EFCAB5: variants seen among roughly 807,000 people sequenced by gnomAD.
EFCAB5 encodes EF-hand calcium binding domain 5.
In EFCAB5, 131 loss-of-function variants were observed where a neutral mutation model predicts 167.9. The observed-to-expected ratio is 0.78, with a 90% CI of 0.68 to 0.90. EFCAB5 has a LOEUF of 0.90. Ranked by LOEUF, EFCAB5 falls within the 40% of genes least tolerant of loss-of-function variation. The pLI is 0.00. For synonymous variants in EFCAB5, 574 were observed against 602.8 expected (o/e 0.95, Z 0.70); for missense variants, 1,663 against 1,745.2 (o/e 0.95, Z 0.84).
chr17:30,099,570 G>A (rs1411462857), intron 22 of EFCAB5, among the ~76,000 whole-genome samples: 2 of 152,184 alleles, frequency 1.3e-5, no homozygotes, highest in African/African-American at 4.8e-5. Context: ...ATAATGATAT[G>A]CCTTTTTATG....
chr17:30,095,147 A>G (rs886653504), intron 22 of EFCAB5, among the ~76,000 whole-genome samples: 1 of 152,198 alleles, frequency 6.6e-6, no homozygotes, highest in Admixed American at 6.5e-5. Flanking sequence ...TCTTAGACCC[A>G]GAGGCAAGAA....
chr17:29,994,036 C>T (rs544179264), intron 5 of EFCAB5, among the ~76,000 whole-genome samples: 8 of 148,822 alleles, frequency 5.4e-5, no homozygotes, highest in African/African-American at 1.2e-4. Context: ...TCCAGGAGGT[C>T]GAAGCTGCAC....
intron 22 of EFCAB5, among the ~76,000 whole-genome samples, chr17:30,100,834 A>G (rs2071372939): frequency 6.6e-6 from 1 of 152,224 alleles, no homozygotes; most frequent in African/African-American, 2.4e-5. Context: ...TGAATGTACA[A>G]GGAATATTCC....
At chr17:29,958,648 C>G (rs1245079008) in intron 3 of EFCAB5, among the ~76,000 whole-genome samples, 1 of 152,120 alleles carries the variant, frequency 6.6e-6, no homozygotes, top group Admixed American at 6.5e-5. Flanking sequence ...TCACTGTGTT[C>G]TCTTACTTTG....
chr17:30,074,482 C>G (rs1191665383), intron 14 of EFCAB5: 5 of 152,150 alleles, frequency 3.3e-5, no homozygotes, highest in Non-Finnish European at 7.3e-5. Context: ...CTACATGTAT[C>G]AGCAATTTGC....
chr17:29,985,933 C>T (rs978546975), intron 4 of EFCAB5, among the ~76,000 whole-genome samples: 1 of 152,154 alleles, frequency 6.6e-6, no homozygotes, highest in African/African-American at 2.4e-5. Flanking sequence ...AAAGCAAAGG[C>T]GGCTTTATCA....
chr17:30,053,228 A>G (rs1410983407), intron 9 of EFCAB5, 27 bp from the exon 10 acceptor site: 3 of 1,558,786 alleles, frequency 1.9e-6, no homozygotes, highest in Non-Finnish European at 2.6e-6. Flanking sequence ...TCAATGGTTT[A>G]AGTGAATATT....
At chr17:30,106,241 A>G (rs1483926547) in intron 22 of EFCAB5, among the ~76,000 whole-genome samples, 1 of 151,872 alleles carries the variant, frequency 6.6e-6, no homozygotes. Context: ...CCTGGGCAAC[A>G]TAAGACCCTG....
At chr17:29,955,698 T>C (rs1041580914) in intron 3 of EFCAB5, among the ~76,000 whole-genome samples, 3 of 152,154 alleles carry the variant, frequency 2.0e-5, no homozygotes, top group East Asian at 3.8e-4. Context: ...TTCATGCTCA[T>C]GTATTGGAAG....
intron 4 of EFCAB5, among the ~76,000 whole-genome samples, chr17:29,976,812 TTC>T (rs2068072178): frequency 6.6e-6 from 1 of 152,176 alleles, no homozygotes; most frequent in Admixed American, 6.5e-5. Flanking sequence ...TCTGCCTACT[TTC>T]TACGACAAAA....
At chr17:30,040,435 C>G (rs1452615959) in intron 8 of EFCAB5, among the ~76,000 whole-genome samples, 2 of 152,188 alleles carry the variant, frequency 1.3e-5, no homozygotes, top group African/African-American at 4.8e-5. Context: ...TTACTGGACA[C>G]TCTGCCAAAT....
At position 29,999,991 on chromosome 17, in the gene EFCAB5, AT is replaced by A; in HGVS notation, c.1044+18del. 1 of 1,526,206 alleles carries A rather than the reference AT, an allele frequency of 6.6e-7. No individual in the cohort carries two copies. The highest frequency in any genetic ancestry group is 8.9e-7 in the Non-Finnish European group (1 of 1,125,134). The allele number at this position is 1,526,206 out of a possible 1,614,324, so 94.5% of individuals were successfully genotyped here. On this transcript the variant is annotated intron_variant, in intron 7 of 22. Transcript: ENST00000394835. ...AATTTACAGAAGTAAGAGTTACATT[AT>A]TTAATGTTTGAATTGAATTATTTTG... is the stretch of plus-strand genomic sequence containing the variant.
intron 7 of EFCAB5, among the ~76,000 whole-genome samples, chr17:30,013,596 G>T (rs1169072714): frequency 2.6e-5 from 4 of 152,202 alleles, no homozygotes; most frequent in Non-Finnish European, 4.4e-5. Context: ...GCATAGAGGT[G>T]TTTATAGTAT....
intron 4 of EFCAB5, among the ~76,000 whole-genome samples, chr17:29,983,094 T>C (rs1189300259): frequency 6.6e-6 from 1 of 152,254 alleles, no homozygotes; most frequent in Admixed American, 6.5e-5. Flanking sequence ...TGAGCTGGGC[T>C]CATGGCCCAT....
chr17:29,988,453 C>T (rs2068336942), intron 4 of EFCAB5, among the ~76,000 whole-genome samples: 1 of 152,182 alleles, frequency 6.6e-6, no homozygotes, highest in African/African-American at 2.4e-5. Flanking sequence ...TATAGGGTGT[C>T]TGGAAAACTT....
intron 7 of EFCAB5, among the ~76,000 whole-genome samples, chr17:30,026,178 A>AAAAT (rs541839214): frequency 6.3e-4 from 96 of 151,924 alleles, no homozygotes; most frequent in South Asian, 8.3e-4. Context: ...ATAATAATAA[A>AAAAT]AAATAAATAA....
At chr17:29,993,040 A>C in intron 4 of EFCAB5, 125 bp from the exon 5 acceptor site, 3 of 1,015,142 alleles carry the variant, frequency 3.0e-6, no homozygotes, top group African/African-American at 1.6e-5. Context: ...TACAGGCCTG[A>C]ATCAAAGATT....
At chr17:29,987,914 A>G (rs548540941) in intron 4 of EFCAB5, among the ~76,000 whole-genome samples, 9 of 152,340 alleles carry the variant, frequency 5.9e-5, no homozygotes, top group African/African-American at 1.9e-4. Flanking sequence ...ATACATGTAC[A>G]TAAGCTAGTC....
chr17:29,973,999 A>G (rs573261901), intron 4 of EFCAB5, among the ~76,000 whole-genome samples: 1 of 151,684 alleles, frequency 6.6e-6, no homozygotes, highest in African/African-American at 2.4e-5. Context: ...CTTACTAAAA[A>G]TACAAAAATT....
Sources: allele counts gnomAD v4.1 joint callset (sites outside exome capture counted in the v4.1 genomes callset), GRCh38; gene constraint gnomAD v4.1.1; transcripts MANE v1.5; gene names NCBI Gene and HGNC (gene_info 2026-07-23, HGNC 2026-07-21).